The following BRD4 variants were observed in gnomAD, a reference collection of about 807,000 sequenced individuals.
BRD4 encodes bromodomain-containing protein 4.
A neutral mutation model predicts 142.1 loss-of-function variants in BRD4; 16 were observed. The ratio of observed to expected loss-of-function variants is 0.11; its 90% CI spans 0.08 to 0.17. The LOEUF is 0.17. Ranked by LOEUF, BRD4 falls within the 10% of genes least tolerant of loss-of-function variation. BRD4 has a pLI of 1.00. For missense variants in BRD4, 1,424 were observed against 1,810.9 expected (o/e 0.79, Z 3.88); for synonymous variants, 833 against 707.5 (o/e 1.18, Z -2.82).
At position 15,265,661 on chromosome 19, in the gene BRD4, A is replaced by T. The variant is rs1358625396; in HGVS notation, c.560-18T>A. ...TGCTGTCCCTACAAATCATAATAAG[A>T]CGGCGAGTTAGAGACCATGCTGACA... On this transcript the variant is annotated intron_variant, in intron 4 of 19. Coordinates refer to ENST00000679869, the MANE Select transcript of BRD4 (RefSeq NM_001379291.1). 6.2e-7 allele frequency: 1 copy of T among 1,613,852 alleles called. No individual in the cohort carries two copies. The highest frequency in any genetic ancestry group is 8.5e-7 in the Non-Finnish European group (1 of 1,179,896).
intron 1 of BRD4, among the ~76,000 whole-genome samples, chr19:15,278,696 C>T (rs996085473): frequency 4.0e-5 from 6 of 151,252 alleles, no homozygotes; most frequent in African/African-American, 1.5e-4. Flanking sequence ...ATATTGTTGG[C>T]TACTTCCTCT....
intron 8 of BRD4, among the ~76,000 whole-genome samples, chr19:15,256,600 G>A (rs2047411674): frequency 2.0e-5 from 3 of 152,210 alleles, no homozygotes; most frequent in Admixed American, 2.0e-4. Flanking sequence ...ACACGGACAC[G>A]TCAGGCACGA....
chr19:15,272,051 T>TA (rs879263184), intron 2 of BRD4, among the ~76,000 whole-genome samples: 4 of 147,032 alleles, frequency 2.7e-5, no homozygotes, highest in Non-Finnish European at 4.5e-5. Context: ...TAAAGACAAT[T>TA]AGTCTTTGGT....
chr19:15,244,799 G>C lies in BRD4; in HGVS notation c.2159-37C>G, dbSNP rs202244714. 3,067 of 1,613,896 alleles carry C rather than the reference G, an allele frequency of 1.9e-3. 6 individuals are homozygous for C. Among genetic ancestry groups the C allele is most frequent in the Admixed American group, 3.3e-3 (199 of 59,956 alleles). On this transcript the variant is annotated intron_variant, in intron 11 of 19. Coordinates refer to ENST00000679869, the MANE Select transcript of BRD4 (RefSeq NM_001379291.1). ...AAGAGAAGGTAGTGAGGCTCTGGGG[G>C]AGAAGGTGAGTGAGCTGGCCTTGGA...
intron 1 of BRD4, among the ~76,000 whole-genome samples, chr19:15,308,115 CAAAAA>C (rs57642262): frequency 1.4e-4 from 3 of 21,180 alleles, no homozygotes; most frequent in African/African-American, 2.8e-4. Flanking sequence ...GACTCCGTCT[CAAAAA>C]AAAAAAAAAA....
chr19:15,263,669 C>A, intron 6 of BRD4, 121 bp from the exon 7 acceptor site: 1 of 1,322,162 alleles, frequency 7.6e-7, no homozygotes, highest in South Asian at 1.4e-5. Flanking sequence ...TCAGTTTGGT[C>A]AAGACTCTAG....
intron 1 of BRD4, among the ~76,000 whole-genome samples, chr19:15,285,554 GACCCC>G (rs1377210799): frequency 5.0e-3 from 752 of 151,726 alleles, no homozygotes; most frequent in African/African-American, 0.017. Flanking sequence ...GACAGAGTGA[GACCCC>G]ATCTCAAAAA....
Position 15,239,984 on chromosome 19 carries a change from A to C in BRD4, c.3208T>G (p.Ser1070Ala). Reference sequence around the variant, plus strand: ...CTCTGGAACTGTGACATCTGGGGGGAATGTATCATAAGCGGGGAGGGGGCT... The same window carrying C: ...CTCTGGAACTGTGACATCTGGGGGGCATGTATCATAAGCGGGGAGGGGGCT... The part of the protein sequence containing the change: ...REAPSPLMIH[S>A]PQMSQFQSLT... The change falls in exon 15 of 20, where the codon TCC becomes GCC. Residue 1070 changes from serine to alanine, a missense_variant. Ser to Ala is a moderately conservative substitution (Grantham distance 99). Transcript: ENST00000679869. The surrounding 1 kb of genome is among the most constrained non-coding windows in gnomAD (Gnocchi z 7.4). 2 of 1,613,240 alleles carry C rather than the reference A, an allele frequency of 1.2e-6. No homozygotes were observed. The highest frequency in any genetic ancestry group is 1.7e-6 in the Non-Finnish European group (2 of 1,179,852).
chr19:15,298,245 G>C (rs1301118065), intron 1 of BRD4, among the ~76,000 whole-genome samples: 1 of 152,244 alleles, frequency 6.6e-6, no homozygotes, highest in East Asian at 1.9e-4. Flanking sequence ...TATTTGGCCT[G>C]TTTTTGCCTT....
intron 11 of BRD4, chr19:15,248,746 TA>T (rs546149103): frequency 5.9e-4 from 135 of 229,080 alleles, no homozygotes; most frequent in African/African-American, 2.8e-3. Flanking sequence ...GCCTTGCCTC[TA>T]AAGCTCCCAC....
intron 1 of BRD4, among the ~76,000 whole-genome samples, chr19:15,323,048 TCAAACAAA>T (rs201752233): frequency 1.3e-5 from 2 of 150,676 alleles, no homozygotes; most frequent in Non-Finnish European, 3.0e-5. Flanking sequence ...AGACTCTGCC[TCAAACAAA>T]CAAACAAACA....
chr19:15,246,165 G>A (rs2047284198), intron 11 of BRD4, among the ~76,000 whole-genome samples: 1 of 152,342 alleles, frequency 6.6e-6, no homozygotes, highest in East Asian at 1.9e-4. Context: ...AGGACGCTCT[G>A]GGTCAGAGTA....
At chr19:15,305,727 T>G (rs2047908363) in intron 1 of BRD4, among the ~76,000 whole-genome samples, 1 of 152,252 alleles carries the variant, frequency 6.6e-6, no homozygotes, top group African/African-American at 2.4e-5. Context: ...CAGTAGCCCC[T>G]AATGAGAGGC....
intron 1 of BRD4, among the ~76,000 whole-genome samples, chr19:15,315,434 G>C (rs2048008491): frequency 6.6e-6 from 1 of 152,108 alleles, no homozygotes; most frequent in African/African-American, 2.4e-5. Context: ...CATTGGACAT[G>C]GATGTTGACC....
chr19:15,265,443 G>T lies in BRD4; in HGVS notation c.760C>A (p.Pro254Thr), dbSNP rs754706245. 1 of 1,335,506 alleles carries T rather than the reference G, an allele frequency of 7.5e-7. No individual in the cohort carries two copies. Among genetic ancestry groups the T allele is most frequent in the East Asian group, 2.3e-5 (1 of 43,236 alleles). 82.7% of individuals were successfully genotyped at this position (1,335,506 alleles called of 1,614,324 possible). A position where few individuals can be genotyped will look rare whatever the true frequency, so the allele number is the denominator to read the frequency against. The change falls in exon 5 of 20, where the codon CCC becomes ACC. Residue 254 changes from proline (P) to threonine (T), a missense_variant. This residue lies in a region of BRD4 where 140 missense variants were observed against 131.7 expected (regional missense o/e 1.06). Transcript: ENST00000679869. Reference protein sequence around the residue: ...PQPLQTPPPVPPQPQPPPAPA... With the variant: ...PQPLQTPPPVTPQPQPPPAPA... ...GCGGGTGGGGGTTGTGGCTGGGGGG[G>T]CACTGGCGGGGGCGTCTGCAGTGGC...
At chr19:15,297,452 C>A (rs1050286775) in intron 1 of BRD4, among the ~76,000 whole-genome samples, 2 of 152,328 alleles carry the variant, frequency 1.3e-5, no homozygotes, top group Non-Finnish European at 1.5e-5. Flanking sequence ...CGAACCCCCC[C>A]AAACCCTGGC....
At chr19:15,255,945 G>T in intron 9 of BRD4, 119 bp downstream of exon 9, 1 of 1,360,068 alleles carries the variant, frequency 7.4e-7, no homozygotes, top group Non-Finnish European at 1.0e-6. Context: ...GTGAAGCCAC[G>T]GCTGCAGAGG....
intron 1 of BRD4, among the ~76,000 whole-genome samples, chr19:15,329,038 G>T (rs983938896): frequency 7.9e-5 from 12 of 151,578 alleles, no homozygotes; most frequent in Non-Finnish European, 2.9e-5. Context: ...CTCTCAAAGT[G>T]CTGGGATCAC....
At chr19:15,262,355 C>T (rs1381795322) in intron 7 of BRD4, among the ~76,000 whole-genome samples, 1 of 151,934 alleles carries the variant, frequency 6.6e-6, no homozygotes, top group African/African-American at 2.4e-5. Flanking sequence ...AACCCATGGC[C>T]TTGGGGAGAA....
Sources: allele counts gnomAD v4.1 joint callset (sites outside exome capture counted in the v4.1 genomes callset), GRCh38; gene constraint gnomAD v4.1.1; regional missense constraint gnomAD v4.1.1; non-coding constraint Gnocchi (gnomAD v3.1); transcripts MANE v1.5; gene names NCBI Gene and HGNC (gene_info 2026-07-23, HGNC 2026-07-21).